TCHH: variants seen among roughly 807,000 people sequenced by gnomAD.
The protein encoded by TCHH is trichohyalin.
In TCHH, 6 loss-of-function variants were observed where a neutral mutation model predicts 6.3. The ratio of observed to expected loss-of-function variants is 0.95; its 90% CI spans 0.52 to 1.88. TCHH has a LOEUF of 1.88. TCHH is among the 40% of genes most tolerant of loss of function. The pLI is 0.01. For synonymous variants in TCHH, 1,087 were observed against 963.6 expected (o/e 1.13, Z -2.37); for missense variants, 2,920 against 2,449.1 (o/e 1.19, Z -4.06).
Position 152,107,226 on chromosome 1 carries a change from C to A in TCHH, c.*159G>T. 1 of 730,214 alleles carries A rather than the reference C, an allele frequency of 1.4e-6. No individual in the cohort carries two copies. The highest frequency in any genetic ancestry group is 2.2e-6 in the Non-Finnish European group (1 of 461,290). 45.2% of individuals were successfully genotyped at this position (730,214 alleles called of 1,614,324 possible). On this transcript the variant is annotated 3_prime_UTR_variant, in exon 3 of 3. Transcript: ENST00000614923. ...GAATAAAAAGCAGAAGTACAAAGTG[C>A]GTAAAATGAGCGTAGTTTAAGATTT...
chr1:152,112,468 T>TC lies in TCHH; in HGVS notation c.748dup (p.Glu250GlyfsTer428). On this transcript the variant is annotated frameshift_variant, in exon 3 of 3. Transcript: ENST00000614923. LOFTEE classifies it low-confidence loss of function (END_TRUNC). ...CTCTTCTTCCTTCCGGAGCACTGTC[T>TC]CGCGCTTCCTCCACTCTTTCTCTTC... is the stretch of plus-strand genomic sequence containing the variant. 1 of 1,613,626 alleles carries TC rather than the reference T, an allele frequency of 6.2e-7. No homozygotes were observed. Among genetic ancestry groups the TC allele is most frequent in the Non-Finnish European group, 8.5e-7 (1 of 1,179,978 alleles).
chr1:152,108,088 A>G lies in TCHH; in HGVS notation c.5129T>C (p.Leu1710Pro). 6.2e-7 allele frequency: 1 copy of G among 1,605,874 alleles called. No individual in the cohort carries two copies. Residue 1710 changes from leucine (L) to proline (P), a missense_variant, in exon 3 of 3, where the codon CTC becomes CCC. Physicochemically the swap from Leu to Pro is moderately conservative, Grantham distance 98 (BLOSUM62 -3). Coordinates refer to ENST00000614923, the MANE Select transcript of TCHH (RefSeq NM_007113.4). ...LRRQERERKF[L>P]QEEQQLRRQE... ...GCGGCGCAGCTGCTGTTCCTCCTGG[A>G]GGAATTTTCTCTCTCGTTCCTGACG...
rs770781616 is a variant in TCHH at position 152,109,873 on chromosome 1, T to C, written c.3344A>G (p.Glu1115Gly). 6.2e-6 allele frequency: 10 copies of C among 1,606,042 alleles called. No homozygotes were observed. The Admixed American group carries it at 8.5e-5, about 14-fold the overall frequency. The change falls in exon 3 of 3, where the codon GAG becomes GGG. Residue 1115 changes from glutamate to glycine, a missense_variant. Coordinates refer to ENST00000614923, the MANE Select transcript of TCHH (RefSeq NM_007113.4). ...ERERQCREEE[E>G]LQQEEEQLLR... ...CAGCTGCTCTTCCTCCTGCTGCAGCTCCTCTTCCTCCCGACATTGCCTCTC... is the reference window on the plus strand; with the variant it reads ...CAGCTGCTCTTCCTCCTGCTGCAGCCCCTCTTCCTCCCGACATTGCCTCTC...
rs1658337117 is a variant in TCHH, at chr1:152,111,321, C to T, written c.1896G>A (p.Gln632=). The change falls in exon 3 of 3, where the codon CAG becomes CAA. Residue 632 remains glutamine, a synonymous_variant. Coordinates refer to ENST00000614923, the MANE Select transcript of TCHH (RefSeq NM_007113.4). ...CCTCCTGCTCCTCGCTCTTCAGCAG[C>T]TGCTGGCGCCTCTCTTCCTCCGGCT... ...REEPEEERRQ[Q]LLKSEEQEER... The T allele has an allele frequency of 6.2e-7, 1 of 1,602,870 alleles. No individual in the cohort carries two copies.
rs754137237 is a variant in TCHH at position 152,110,480 on chromosome 1, G to GCTC, written c.2734_2736dup (p.Glu912dup). 45 of 1,613,698 alleles carry GCTC rather than the reference G, an allele frequency of 2.8e-5. 1 individual carries two copies. The highest frequency in any genetic ancestry group is 8.0e-5 in the African/African-American group (6 of 74,840). The stretch of plus-strand genomic sequence containing the variant: ...CTCTTCTCGCGCTCCTCTCTCTGTA[G>GCTC]CTCCTCCTCCTCCTCCTGCAGCAGC... On this transcript the variant is annotated inframe_insertion, in exon 3 of 3. Coordinates refer to ENST00000614923, the MANE Select transcript of TCHH (RefSeq NM_007113.4).
Position 152,111,178 on chromosome 1 carries a change from C to T in TCHH, c.2039G>A (p.Arg680Lys). The T allele has an allele frequency of 1.2e-6, 2 of 1,613,484 alleles. No individual in the cohort carries two copies. The highest frequency in any genetic ancestry group is 1.7e-6 in the Non-Finnish European group (2 of 1,179,890). Residue 680 changes from arginine to lysine, a missense_variant, in exon 3 of 3, where the codon AGG becomes AAG. Transcript: ENST00000614923. ...CTCCTCAGCTAGCTCCTGCTCGCGC[C>T]TCTCTTCCTCATGCTCGCGCTTCAG... ...QRLKREHEEE[R>K]REQELAEEEQ...
Position 152,107,752 on chromosome 1 carries a change from C to G in TCHH, c.5465G>C (p.Arg1822Pro), listed in dbSNP as rs550260117. 1 of 1,614,208 alleles carries G rather than the reference C, an allele frequency of 6.2e-7. No homozygotes were observed. The change falls in exon 3 of 3, where the codon CGC becomes CCC. Residue 1822 changes from arginine (R) to proline (P), a missense_variant. Arg to Pro is a moderately radical substitution (Grantham distance 103). Coordinates refer to ENST00000614923, the MANE Select transcript of TCHH (RefSeq NM_007113.4). ...AAGTTGGAGCTGCTCTTCTTCCCAG[C>G]GATACTTTCCGTCACGCTGTTGGGG... ...LRPQQRDGKY[R>P]WEEEQLQLEE...
Position 152,108,496 on chromosome 1 carries a change from C to T in TCHH, c.4721G>A (p.Arg1574His), listed in dbSNP as rs201847675. The change falls in exon 3 of 3, where the codon CGC (arginine) becomes CAC (histidine). Residue 1574 changes from arginine to histidine, a missense_variant. By Grantham distance (29) the Arg-to-His change is conservative (BLOSUM62 0). Coordinates refer to ENST00000614923, the MANE Select transcript of TCHH (RefSeq NM_007113.4). ...RQEREEQQLS[R>H]QERDRKFRLE... ...ACGGAATTTTCTGTCACGCTCTTGGCGGCTCAGCTGCTGTTCCTCCCTCTC... is the reference window on the plus strand; with the variant it reads ...ACGGAATTTTCTGTCACGCTCTTGGTGGCTCAGCTGCTGTTCCTCCCTCTC... 66 of 1,612,522 alleles carry T rather than the reference C, an allele frequency of 4.1e-5. 1 individual carries two copies. In the Middle Eastern group the frequency reaches 6.6e-4, roughly 16 times the overall value.
chr1:152,109,396 T>C lies in TCHH; in HGVS notation c.3821A>G (p.Gln1274Arg). The change falls in exon 3 of 3, where the codon CAG becomes CGG. Residue 1274 changes from glutamine (Q) to arginine (R), a missense_variant. By Grantham distance (43) the Gln-to-Arg change is conservative (BLOSUM62 1). Transcript: ENST00000614923. ...QQDLQHLLGEQQERDREQERR... is the reference protein window; with the variant it reads ...QQDLQHLLGERQERDREQERR... Reference sequence around the variant, plus strand: ...CTCTTGCTCACGATCTCGCTCTTGCTGTTCACCCAGCAGGTGCTGCAGATC... The same window carrying C: ...CTCTTGCTCACGATCTCGCTCTTGCCGTTCACCCAGCAGGTGCTGCAGATC... 1.2e-6 allele frequency: 2 copies of C among 1,614,224 alleles called. No individual in the cohort carries two copies. The highest frequency in any genetic ancestry group is 2.2e-5 in the South Asian group (2 of 91,092).
chr1:152,109,981 T>C lies in TCHH; in HGVS notation c.3236A>G (p.Gln1079Arg), dbSNP rs1446688239. 6.5e-7 allele frequency: 1 copy of C among 1,537,064 alleles called. No homozygotes were observed. The highest frequency in any genetic ancestry group is 8.8e-7 in the Non-Finnish European group (1 of 1,140,128). Residue 1079 changes from glutamine (Q) to arginine (R), a missense_variant, in exon 3 of 3, where the codon CAA (glutamine) becomes CGA (arginine). Gln to Arg is a conservative substitution (Grantham distance 43). Transcript: ENST00000614923. ...ETRRRQELERQYRKEEELQQE... is the reference protein window; with the variant it reads ...ETRRRQELERRYRKEEELQQE... ...CTGCAGCTCCTCTTCCTTCCGATAT[T>C]GCCTCTCCAGCTCCTGGCGCCTTCT...
At position 152,108,919 on chromosome 1, in the gene TCHH, CG is replaced by C; in HGVS notation, c.4297del (p.Arg1433ValfsTer140). The C allele has an allele frequency of 6.2e-7, 1 of 1,609,526 alleles. No homozygotes were observed. Among genetic ancestry groups the C allele is most frequent in the Non-Finnish European group, 8.5e-7 (1 of 1,178,796 alleles). Reference protein sequence around the residue: ...LSRQERDRKFREEEQQVRRQE... With the variant: ...LSRQERDRKFXEEEQQVRRQE... ...GCGGCGCACCTGCTGTTCCTCTTCA[CG>C]GAATTTTCTGTCACGCTCTTGGCGG... On this transcript the variant is annotated frameshift_variant, in exon 3 of 3. Transcript: ENST00000614923. LOFTEE classifies it low-confidence loss of function (END_TRUNC).
chr1:152,111,892 C>G lies in TCHH; in HGVS notation c.1325G>C (p.Arg442Thr). The G allele has an allele frequency of 6.3e-7, 1 of 1,599,186 alleles. No homozygotes were observed. Among genetic ancestry groups the G allele is most frequent in the Non-Finnish European group, 8.5e-7 (1 of 1,176,744 alleles). Reference protein sequence around the residue: ...ERHEQKHEQERREQRLKREQE... With the variant: ...ERHEQKHEQETREQRLKREQE... ...CTCGCGCTTCAGCCGCTGCTCGCGC[C>G]TCTCCTGCTCGTGCTTCTGCTCGTG... Residue 442 changes from arginine to threonine, a missense_variant, in exon 3 of 3, where the codon AGG (arginine) becomes ACG (threonine). By Grantham distance (71) the Arg-to-Thr change is moderately conservative. Coordinates refer to ENST00000614923, the MANE Select transcript of TCHH (RefSeq NM_007113.4).
At position 152,109,872 on chromosome 1, in the gene TCHH, C is replaced by G. The variant is rs748277462; in HGVS notation, c.3345G>C (p.Glu1115Asp). ...GCAGCTGCTCTTCCTCCTGCTGCAG[C>G]TCCTCTTCCTCCCGACATTGCCTCT... ...ERERQCREEE[E>D]LQQEEEQLLR... The change falls in exon 3 of 3, where the codon GAG becomes GAC. Residue 1115 changes from glutamate to aspartate, a missense_variant. By Grantham distance (45) the Glu-to-Asp change is conservative. Coordinates refer to ENST00000614923, the MANE Select transcript of TCHH (RefSeq NM_007113.4). The G allele has an allele frequency of 6.2e-7, 1 of 1,607,094 alleles. No homozygotes were observed. The highest frequency in any genetic ancestry group is 1.7e-5 in the Admixed American group (1 of 58,862).
Position 152,112,498 on chromosome 1 carries a change from T to C in TCHH, c.719A>G (p.Glu240Gly). 1.2e-6 allele frequency: 2 copies of C among 1,613,506 alleles called. No homozygotes were observed. Among genetic ancestry groups the C allele is most frequent in the Non-Finnish European group, 1.7e-6 (2 of 1,179,974 alleles). ...CTTCCTCCACTCTTTCTCTTCTTCC[T>C]CCTGGAACACTCTGTCTTGCCGCTC... ...RRERQDRVFQ[E>G]EEEKEWRKRE... Residue 240 changes from glutamate (E) to glycine (G), a missense_variant, in exon 3 of 3, where the codon GAG becomes GGG. Physicochemically the swap from Glu to Gly is moderately conservative, Grantham distance 98. Coordinates refer to ENST00000614923, the MANE Select transcript of TCHH (RefSeq NM_007113.4).
At position 152,107,415 on chromosome 1, in the gene TCHH, G is replaced by T; in HGVS notation, c.5802C>A (p.Ile1934=). 1.3e-6 allele frequency: 2 copies of T among 1,597,418 alleles called. No homozygotes were observed. The highest frequency in any genetic ancestry group is 2.2e-5 in the South Asian group (2 of 88,998). ...PVRSSPLYEY[I]QEQRSQYRP ...GGCGGTATTGAGATCTCTGCTCTTGGATGTACTCATAGAGAGGGCTGGAGC... is the reference window on the plus strand; with the variant it reads ...GGCGGTATTGAGATCTCTGCTCTTGTATGTACTCATAGAGAGGGCTGGAGC... The change falls in exon 3 of 3, where the codon ATC becomes ATA. Residue 1934 remains isoleucine, a synonymous_variant. Coordinates refer to ENST00000614923, the MANE Select transcript of TCHH (RefSeq NM_007113.4).
rs1401241560 is a variant in TCHH at position 152,112,370 on chromosome 1, G to A, written c.847C>T (p.Arg283Trp). Residue 283 changes from arginine to tryptophan, a missense_variant, in exon 3 of 3, where the codon CGG becomes TGG. Coordinates refer to ENST00000614923, the MANE Select transcript of TCHH (RefSeq NM_007113.4). ...EEEEQLRKLE[R>W]QELRRERQEE... ...TGGCGCTCCCTCCTCAGCTCTTGCC[G>A]CTCCAGCTTCCGTAGCTGCTCTTCT... 3.7e-6 allele frequency: 6 copies of A among 1,613,446 alleles called. No homozygotes were observed. In the South Asian group the frequency reaches 5.5e-5, roughly 15 times the overall value.
Position 152,112,679 on chromosome 1 carries a change from A to G in TCHH, c.538T>C (p.Trp180Arg). 2 of 1,613,856 alleles carry G rather than the reference A, an allele frequency of 1.2e-6. No homozygotes were observed. The highest frequency in any genetic ancestry group is 8.5e-7 in the Non-Finnish European group (1 of 1,179,990). ...GCACGGCGCTCTTCCCGTTCTTGCC[A>G]TTCTTGCCTTTGCCGCCACAGCTCC... The part of the protein sequence containing the change: ...DEELWRQRQE[W>R]QEREERRAEE... The change falls in exon 3 of 3, where the codon TGG becomes CGG. Residue 180 changes from tryptophan to arginine, a missense_variant. Trp to Arg is a moderately radical substitution (Grantham distance 101). Coordinates refer to ENST00000614923, the MANE Select transcript of TCHH (RefSeq NM_007113.4).
chr1:152,111,263 G>A lies in TCHH; in HGVS notation c.1954C>T (p.Gln652Ter), dbSNP rs570669798. Reference sequence around the variant, plus strand: ...TTCAGCCGCTGCTCGCGCCTTTCCTGCTGCTCGCGCCTTAGTTGCTGCTGG... The same window carrying A: ...TTCAGCCGCTGCTCGCGCCTTTCCTACTGCTCGCGCCTTAGTTGCTGCTGG... ...RRQQQLRREQ[Q>*]ERREQRLKRE... The change falls in exon 3 of 3, where the codon CAG (glutamine) becomes TAG (stop). Residue 652 changes from glutamine to a stop codon, truncating the protein, a stop_gained. Coordinates refer to ENST00000614923, the MANE Select transcript of TCHH (RefSeq NM_007113.4). LOFTEE classifies it low-confidence loss of function (END_TRUNC). 2 of 1,552,378 alleles carry A rather than the reference G, an allele frequency of 1.3e-6. No homozygotes were observed. Among genetic ancestry groups the A allele is most frequent in the Non-Finnish European group, 1.7e-6 (2 of 1,152,188 alleles).
chr1:152,109,856 C>T lies in TCHH; in HGVS notation c.3361G>A (p.Glu1121Lys), dbSNP rs371731236. ...TCCCGTTCCTCTCTCAGCAGCTGCT[C>T]TTCCTCCTGCTGCAGCTCCTCTTCC... ...REEEELQQEE[E>K]QLLREEREKR... Residue 1121 changes from glutamate to lysine, a missense_variant, in exon 3 of 3, where the codon GAG (glutamate) becomes AAG (lysine). Coordinates refer to ENST00000614923, the MANE Select transcript of TCHH (RefSeq NM_007113.4). 2.5e-6 allele frequency: 4 copies of T among 1,604,962 alleles called. No individual in the cohort carries two copies. Among genetic ancestry groups the T allele is most frequent in the African/African-American group, 1.4e-5 (1 of 73,368 alleles).
Sources: gnomAD v4.1 joint callset for allele counts on GRCh38, gnomAD v4.1.1 for gene constraint, MANE v1.5 for transcripts, NCBI Gene and HGNC (gene_info 2026-07-23, HGNC 2026-07-21) for gene names.